MEIS2: variants seen among roughly 807,000 people sequenced by gnomAD.
MEIS2 encodes the protein Meis homeobox 2, also known as homeobox protein Meis2.
MEIS2 carries 9 observed loss-of-function variants against 58.6 expected under a neutral mutation model. The ratio of observed to expected loss-of-function variants is 0.15; its 90% CI spans 0.09 to 0.27. MEIS2 has a LOEUF of 0.27. Among genes scored for constraint, MEIS2 ranks in the 10% least tolerant of loss-of-function variants. MEIS2 has a pLI of 1.00. For missense variants in MEIS2, 427 were observed against 635.0 expected (o/e 0.67, Z 3.52); for synonymous variants, 221 against 228.4 (o/e 0.97, Z 0.29).
chr15:36,975,348 A>G (rs930435929), intron 8 of MEIS2, among the ~76,000 whole-genome samples: 28 of 152,096 alleles, frequency 1.8e-4, no homozygotes, highest in Non-Finnish European at 2.9e-4. Context: ...AAGGCCTGTG[A>G]CTGCCTTTTC....
rs151239269 is a variant in MEIS2 at position 36,959,496 on chromosome 15, A to T, written c.901-9096T>A. On this transcript the variant is annotated intron_variant, in intron 8 of 11. Coordinates refer to ENST00000561208, the MANE Select transcript of MEIS2 (RefSeq NM_170675.5). ...CAATAAATACGTGTTGAACTAATCA[A>T]GTTTGAAAAGGTGACAAGTGAATTC... Among the ~76,000 whole-genome samples the T allele has an allele frequency of 4.7e-3, 722 of 152,322 alleles. 26 individuals carry two copies. Among genetic ancestry groups the T allele is most frequent in the Admixed American group, 0.043 (661 of 15,288 alleles).
chr15:36,993,197 T>C (rs1294611207), intron 8 of MEIS2, among the ~76,000 whole-genome samples: 1 of 152,158 alleles, frequency 6.6e-6, no homozygotes, highest in East Asian at 1.9e-4. Flanking sequence ...TCCTTTCATA[T>C]GATTGGAAAG....
intron 8 of MEIS2, among the ~76,000 whole-genome samples, chr15:37,031,421 ATGTG>A (rs60605081): frequency 2.0e-5 from 3 of 146,842 alleles, no homozygotes; most frequent in African/African-American, 7.6e-5. Context: ...TCCCTTGCAT[ATGTG>A]TGTGTGTGTG....
At chr15:37,036,390 C>G (rs1165554742) in intron 8 of MEIS2, 1 of 118,178 alleles carries the variant, frequency 8.5e-6, no homozygotes, top group South Asian at 2.7e-4. Flanking sequence ...TGGCAAGGTG[C>G]TTTTTTTTTT....
At chr15:37,083,511 A>T (rs962063401) in intron 7 of MEIS2, among the ~76,000 whole-genome samples, 3 of 151,966 alleles carry the variant, frequency 2.0e-5, no homozygotes, top group African/African-American at 7.3e-5. Context: ...AGTGTAGATA[A>T]CCAAATTTGT....
chr15:36,995,972 T>TAC (rs1331497227), intron 8 of MEIS2, among the ~76,000 whole-genome samples: 3 of 8,024 alleles, frequency 3.7e-4, no homozygotes, highest in Non-Finnish European at 1.6e-3. Flanking sequence ...TATATATATA[T>TAC]ATATATATAT....
intron 7 of MEIS2, among the ~76,000 whole-genome samples, chr15:37,051,717 C>T (rs932297323): frequency 1.3e-5 from 2 of 152,162 alleles, no homozygotes; most frequent in African/African-American, 4.8e-5. Context: ...GAAAGTACAG[C>T]ATTCAATACA....
intron 1 of MEIS2, chr15:37,098,465 C>G (rs1392931340): frequency 3.8e-6 from 4 of 1,062,420 alleles, no homozygotes; most frequent in Non-Finnish European, 4.8e-6. Context: ...AGAAAAGTAC[C>G]GAGCACAAGT....
intron 8 of MEIS2, among the ~76,000 whole-genome samples, chr15:37,000,996 T>C (rs768972887): frequency 6.6e-6 from 1 of 152,130 alleles, no homozygotes; most frequent in Non-Finnish European, 1.5e-5. Flanking sequence ...CACCAATGAC[T>C]TCCTCACGAC....
chr15:36,933,484 A>C (rs1390987384), intron 9 of MEIS2, among the ~76,000 whole-genome samples: 2 of 152,064 alleles, frequency 1.3e-5, no homozygotes, highest in African/African-American at 4.8e-5. Context: ...CATGGTTTAG[A>C]GACCATTGAG....
intron 9 of MEIS2, among the ~76,000 whole-genome samples, chr15:36,926,729 C>T (rs563429819): frequency 1.2e-4 from 19 of 152,294 alleles, no homozygotes; most frequent in African/African-American, 4.3e-4. Flanking sequence ...CCTACTTTTG[C>T]ATTTTGAACA....
intron 7 of MEIS2, among the ~76,000 whole-genome samples, chr15:37,077,146 C>G (rs1428106234): frequency 1.3e-5 from 2 of 152,042 alleles, no homozygotes; most frequent in Non-Finnish European, 2.9e-5. Context: ...TGTACTAACT[C>G]AGTAGTGACA....
chr15:37,067,127 T>C (rs1209988227), intron 7 of MEIS2, among the ~76,000 whole-genome samples: 1 of 149,448 alleles, frequency 6.7e-6, no homozygotes, highest in Non-Finnish European at 1.5e-5. Context: ...TGTCACTCTG[T>C]CACCCAGGCT....
intron 6 of MEIS2, among the ~76,000 whole-genome samples, chr15:37,085,662 T>C (rs1387625247): frequency 6.6e-6 from 1 of 152,174 alleles, no homozygotes; most frequent in Non-Finnish European, 1.5e-5. Context: ...ATTTTGTGAC[T>C]ACAAATATGG....
At chr15:37,036,718 A>C in intron 8 of MEIS2, 96 bp downstream of exon 8, 1 of 1,334,712 alleles carries the variant, frequency 7.5e-7, no homozygotes. Flanking sequence ...ATAAGAAAAT[A>C]GGCACCTTAG....
intron 8 of MEIS2, among the ~76,000 whole-genome samples, chr15:36,952,434 C>G (rs982015947): frequency 1.3e-4 from 20 of 152,190 alleles, no homozygotes; most frequent in African/African-American, 4.3e-4. Flanking sequence ...GGATGCATCA[C>G]AAGAGTATCT....
chr15:37,058,923 A>G, intron 7 of MEIS2, among the ~76,000 whole-genome samples: 1 of 134,074 alleles, frequency 7.5e-6, no homozygotes, highest in African/African-American at 2.6e-5. Context: ...TATTTTGAAT[A>G]AATACAAAAT....
chr15:36,966,757 C>T (rs11856296), intron 8 of MEIS2, among the ~76,000 whole-genome samples: 18,651 of 152,120 alleles, frequency 0.12, 1,245 homozygotes, highest in African/African-American at 0.18. Context: ...TAACAAACTT[C>T]ATGAAGACAA....
intron 8 of MEIS2, among the ~76,000 whole-genome samples, chr15:36,996,152 T>G (rs1410576745): frequency 1.3e-5 from 2 of 151,632 alleles, no homozygotes; most frequent in Non-Finnish European, 2.9e-5. Context: ...AAAACCAAGC[T>G]ACTGTTATCT....
Sources: allele counts gnomAD v4.1 joint callset (sites outside exome capture counted in the v4.1 genomes callset), GRCh38; gene constraint gnomAD v4.1.1; transcripts MANE v1.5; gene names NCBI Gene and HGNC (gene_info 2026-07-23, HGNC 2026-07-21).